The following ZC3HAV1 variants were observed in gnomAD, a reference collection of about 807,000 sequenced individuals.
The protein encoded by ZC3HAV1 is zinc finger CCCH-type antiviral protein 1.
Under a neutral mutation model 86.6 loss-of-function variants are expected in ZC3HAV1, and 41 were observed. The ratio of observed to expected loss-of-function variants is 0.47; its 90% CI spans 0.37 to 0.61. The LOEUF is 0.61. ZC3HAV1 is among the 20% of genes least tolerant of loss of function. The probability of loss-of-function intolerance (pLI) is 0.00; values close to 1 mark genes in which losing one functional copy is unlikely to be tolerated. For missense variants in ZC3HAV1, 964 were observed against 1,141.1 expected (o/e 0.84, Z 2.24); for synonymous variants, 421 against 432.1 (o/e 0.97, Z 0.32).
At chr7:139,105,180 C>T (rs184310268) in intron 1 of ZC3HAV1, among the ~76,000 whole-genome samples, 1 of 152,056 alleles carries the variant, frequency 6.6e-6, no homozygotes, top group East Asian at 1.9e-4. Flanking sequence ...TGCCACTGCA[C>T]TTCAGTCTGG....
intron 6 of ZC3HAV1, among the ~76,000 whole-genome samples, chr7:139,075,115 G>A (rs1261697833): frequency 6.6e-6 from 1 of 152,094 alleles, no homozygotes; most frequent in Non-Finnish European, 1.5e-5. Flanking sequence ...ATTGAGGCTA[G>A]GAATAGTGCT....
At chr7:139,097,094 T>G (rs972339276) in intron 1 of ZC3HAV1, among the ~76,000 whole-genome samples, 26 of 151,704 alleles carry the variant, frequency 1.7e-4, no homozygotes, top group African/African-American at 6.1e-4. Flanking sequence ...GCAGAGATCG[T>G]GCCACTGCAC....
chr7:139,061,057 T>G lies in ZC3HAV1; in HGVS notation c.2075A>C (p.Gln692Pro). Reference protein sequence around the residue: ...RPTFVPQWYVQQMKRGPDHQP... With the variant: ...RPTFVPQWYVPQMKRGPDHQP... The stretch of plus-strand genomic sequence containing the variant: ...TTACTCTGGCCCTCTCTTCATCTGC[T>G]GCACATACCACTGAGGCACAAATGT... Residue 692 changes from glutamine to proline, a missense_variant, in exon 9 of 13, where the codon CAG (glutamine) becomes CCG (proline). Gln to Pro is a moderately conservative substitution (Grantham distance 76). Coordinates refer to ENST00000242351, the MANE Select transcript of ZC3HAV1 (RefSeq NM_020119.4). 6.2e-7 allele frequency: 1 copy of G among 1,613,864 alleles called. No homozygotes were observed. The highest frequency in any genetic ancestry group is 8.5e-7 in the Non-Finnish European group (1 of 1,179,986).
intron 9 of ZC3HAV1, among the ~76,000 whole-genome samples, chr7:139,055,613 G>A (rs924517933): frequency 1.3e-5 from 2 of 152,172 alleles, no homozygotes. Context: ...TTAAGCAAAT[G>A]TGTCTTACAG....
intron 1 of ZC3HAV1, among the ~76,000 whole-genome samples, chr7:139,106,314 T>C (rs1817934526): frequency 6.6e-6 from 1 of 152,110 alleles, no homozygotes; most frequent in Non-Finnish European, 1.5e-5. Context: ...ATGTAACATA[T>C]GAAAACAATT....
chr7:139,073,793 C>G (rs116821222), intron 7 of ZC3HAV1, 63 bp downstream of exon 7: 2 of 1,503,700 alleles, frequency 1.3e-6, no homozygotes, highest in African/African-American at 2.8e-5. Context: ...GCCCAGCCAA[C>G]AGTGTTCTTT....
chr7:139,091,866 C>G (rs1008289273), intron 1 of ZC3HAV1, among the ~76,000 whole-genome samples: 2 of 152,168 alleles, frequency 1.3e-5, no homozygotes, highest in Non-Finnish European at 2.9e-5. Flanking sequence ...ATATATTTAG[C>G]TGTTGTACTT....
intron 7 of ZC3HAV1, among the ~76,000 whole-genome samples, chr7:139,066,501 A>G (rs1816611690): frequency 6.6e-6 from 1 of 152,196 alleles, no homozygotes. Context: ...ACCAGTACAA[A>G]GGGTGGAAGG....
Position 139,077,002 on chromosome 7 carries a change from C to G in ZC3HAV1, c.1574-593G>C, listed in dbSNP as rs961263078. ...AGAAATTTAGTTACCCTTTCTGCAC[C>G]CCCCCAAGTGTATGAAGCCAAAATG... On this transcript the variant is annotated intron_variant, in intron 5 of 12. Transcript: ENST00000242351. 4.4e-5 allele frequency among the ~76,000 whole-genome samples: 6 copies of G among 135,852 alleles called. No homozygotes were observed. The East Asian group carries it at 7.2e-4, about 16-fold the overall frequency. 89.1% of individuals were successfully genotyped at this position (135,852 alleles called of 152,430 possible).
intron 1 of ZC3HAV1, among the ~76,000 whole-genome samples, chr7:139,105,025 T>C (rs1584878126): frequency 8.3e-6 from 1 of 121,072 alleles, no homozygotes; most frequent in African/African-American, 3.3e-5. Context: ...AGAGTGAGAC[T>C]CTGTCTCAAA....
intron 10 of ZC3HAV1, among the ~76,000 whole-genome samples, chr7:139,054,947 C>T (rs1816240722): frequency 6.6e-6 from 1 of 152,074 alleles, no homozygotes. Context: ...GCCGCCATGC[C>T]CGGCTAATTT....
chr7:139,072,679 A>C (rs1320211616), intron 7 of ZC3HAV1, among the ~76,000 whole-genome samples: 1 of 152,124 alleles, frequency 6.6e-6, no homozygotes, highest in Non-Finnish European at 1.5e-5. Context: ...CTATGCCCCC[A>C]CTATGGGTCA....
intron 3 of ZC3HAV1, among the ~76,000 whole-genome samples, 192 bp from the exon 4 acceptor site, chr7:139,080,435 G>C (rs957335855): frequency 2.0e-5 from 3 of 151,822 alleles, no homozygotes; most frequent in African/African-American, 7.3e-5. Context: ...TTTTGTTTTT[G>C]TTTTTGTTTT....
intron 2 of ZC3HAV1, among the ~76,000 whole-genome samples, chr7:139,088,031 C>CAAAAAAAAAAAAAAAAAAAAAAA (rs10544425): frequency 1.7e-5 from 1 of 57,872 alleles, no homozygotes; most frequent in Non-Finnish European, 3.4e-5. Context: ...GATCCTGTCT[C>CAAAAAAAAAAAAAAAAAAAAAAA]AAAAAAAAAA....
rs746646568 is a variant in ZC3HAV1 at position 139,060,665 on chromosome 7, A to AC, written c.2096+370dup. On this transcript the variant is annotated intron_variant, in intron 9 of 12. Transcript: ENST00000242351. Reference sequence around the variant, plus strand: ...AGACCAGCCTGGGCAACAAAGTGAGACCCCCTCTAAAAAAAAAAAAAAAAA... The same window carrying AC: ...AGACCAGCCTGGGCAACAAAGTGAGACCCCCCTCTAAAAAAAAAAAAAAAAA... 8.8e-4 allele frequency: 916 copies of AC among 1,035,990 alleles called. 3 individuals carry two copies. The highest frequency in any genetic ancestry group is 1.3e-3 in the South Asian group (55 of 40,832). 64.2% of individuals were successfully genotyped at this position (1,035,990 alleles called of 1,614,324 possible).
At chr7:139,061,329 G>C (rs547971200) in intron 8 of ZC3HAV1, among the ~76,000 whole-genome samples, 191 bp from the exon 9 acceptor site, 2 of 152,314 alleles carry the variant, frequency 1.3e-5, no homozygotes, top group East Asian at 1.9e-4. Flanking sequence ...GCCATTAGTA[G>C]AAGGCTCAAA....
At chr7:139,063,685 C>A (rs935779314) in intron 8 of ZC3HAV1, among the ~76,000 whole-genome samples, 20 of 148,968 alleles carry the variant, frequency 1.3e-4, no homozygotes, top group African/African-American at 4.7e-4. Flanking sequence ...GATGGCATCA[C>A]CGCACTCTAG....
intron 1 of ZC3HAV1, among the ~76,000 whole-genome samples, chr7:139,097,604 T>C (rs1817645696): frequency 6.7e-6 from 1 of 149,752 alleles, no homozygotes; most frequent in Non-Finnish European, 1.5e-5. Flanking sequence ...TCGGCTAATT[T>C]TTTGTATTTT....
Position 139,057,639 on chromosome 7 carries a change from C to T in ZC3HAV1, c.2097-2344G>A, listed in dbSNP as rs1255880727. On this transcript the variant is annotated intron_variant, in intron 9 of 12. Transcript: ENST00000242351. Reference sequence around the variant, plus strand: ...CTGCAAGCTCCGCCTCCCGGGTTCACGCCATTCTCCTGCCTCAGCCTCCCG... The same window carrying T: ...CTGCAAGCTCCGCCTCCCGGGTTCATGCCATTCTCCTGCCTCAGCCTCCCG... Among the ~76,000 whole-genome samples, 2 of 77,950 alleles carry T rather than the reference C, an allele frequency of 2.6e-5. 1 individual carries two copies. The highest frequency in any genetic ancestry group is 4.9e-5 in the Non-Finnish European group (2 of 40,592). 51.1% of individuals were successfully genotyped at this position (77,950 alleles called of 152,430 possible).
Sources: gnomAD v4.1 joint callset for allele counts (sites outside exome capture counted in the v4.1 genomes callset) on GRCh38, gnomAD v4.1.1 for gene constraint, MANE v1.5 for transcripts, NCBI Gene and HGNC (gene_info 2026-07-23, HGNC 2026-07-21) for gene names.